Variants in CCDC91 observed in about 807,000 individuals in gnomAD.
The protein encoded by CCDC91 is coiled-coil domain containing 91.
Under a neutral mutation model 63.2 loss-of-function variants are expected in CCDC91, and 48 were observed. The ratio of observed to expected loss-of-function variants is 0.76; its 90% CI spans 0.60 to 0.97. CCDC91 has a LOEUF of 0.97. Ranked by LOEUF, CCDC91 falls within the 50% of genes least tolerant of loss-of-function variation. The probability of loss-of-function intolerance (pLI) is 0.00; values close to 1 mark genes in which losing one functional copy is unlikely to be tolerated. For missense variants in CCDC91, 500 were observed against 494.6 expected (o/e 1.01, Z -0.10); for synonymous variants, 167 against 165.8 (o/e 1.01, Z -0.06).
chr12:28,338,162 ATGGTCTTTTATATAGGG>A (rs1191376505), intron 6 of CCDC91, among the ~76,000 whole-genome samples: 3 of 152,042 alleles, frequency 2.0e-5, no homozygotes, highest in African/African-American at 7.2e-5. Context: ...ATGGTAGGAT[ATGGTCTTTTATATAGGG>A]TGGTAATGGA....
intron 12 of CCDC91, among the ~76,000 whole-genome samples, chr12:28,540,875 G>C (rs1310147974): frequency 6.6e-6 from 1 of 152,032 alleles, no homozygotes; most frequent in African/African-American, 2.4e-5. Flanking sequence ...CATCTCATTA[G>C]GCAGCCTTAT....
intron 11 of CCDC91, among the ~76,000 whole-genome samples, chr12:28,456,138 A>G (rs1950047444): frequency 6.6e-6 from 1 of 152,096 alleles, no homozygotes; most frequent in Admixed American, 6.6e-5. Flanking sequence ...AGAAGGTGTT[A>G]TTTTTATGTA....
At chr12:28,385,267 C>T (rs937139668) in intron 7 of CCDC91, among the ~76,000 whole-genome samples, 5 of 152,024 alleles carry the variant, frequency 3.3e-5, no homozygotes, top group Non-Finnish European at 5.9e-5. Flanking sequence ...TCAAGCTAAA[C>T]TAAGTGTATA....
chr12:28,259,304 C>G, intron 2 of CCDC91, 60 bp from the exon 3 acceptor site: 1 of 1,209,970 alleles, frequency 8.3e-7, no homozygotes, highest in East Asian at 2.3e-5. Context: ...AATGCTTGAT[C>G]ACTTAAATAG....
At chr12:28,244,779 C>A (rs1176876475) in intron 1 of CCDC91, among the ~76,000 whole-genome samples, 1 of 149,090 alleles carries the variant, frequency 6.7e-6, no homozygotes. Flanking sequence ...CAAGAGCAAG[C>A]AATACAAGAG....
chr12:28,250,665 T>C (rs1946061620), intron 1 of CCDC91, among the ~76,000 whole-genome samples: 1 of 152,110 alleles, frequency 6.6e-6, no homozygotes, highest in Admixed American at 6.6e-5. Flanking sequence ...ATGTGGGAAC[T>C]ATTAGCAACT....
intron 11 of CCDC91, among the ~76,000 whole-genome samples, chr12:28,483,354 A>G (rs1951546679): frequency 6.6e-6 from 1 of 152,102 alleles, no homozygotes; most frequent in Admixed American, 6.6e-5. Flanking sequence ...CATTCATTCC[A>G]TTTCATGATA....
chr12:28,402,084 G>A (rs1168192942), intron 8 of CCDC91, among the ~76,000 whole-genome samples: 1 of 151,904 alleles, frequency 6.6e-6, no homozygotes, highest in Non-Finnish European at 1.5e-5. Context: ...CTCAGCATTG[G>A]CATTATTGAC....
rs777074953 is a variant in CCDC91, at chr12:28,549,151, C to T, written c.1304C>T (p.Thr435Met). 20 of 1,607,742 alleles carry T rather than the reference C, an allele frequency of 1.2e-5. No homozygotes were observed. The highest frequency in any genetic ancestry group is 2.2e-5 in the East Asian group (1 of 44,760). Reference protein sequence around the residue: ...AQKQLSALIATEPVDIE With the variant: ...AQKQLSALIAMEPVDIE Reference sequence around the variant, plus strand: ...AAACAGTTAAGTGCTTTAATAGCTACGGAACCAGTTGACATTGAATAAAAA... The same window carrying T: ...AAACAGTTAAGTGCTTTAATAGCTATGGAACCAGTTGACATTGAATAAAAA... The change falls in exon 13 of 13, where the codon ACG becomes ATG. Residue 435 changes from threonine (T) to methionine (M), a missense_variant. Thr to Met is a moderately conservative substitution (Grantham distance 81, BLOSUM62 -1). Coordinates refer to ENST00000536442, the MANE Select transcript of CCDC91 (RefSeq NM_018318.5).
rs1417628098 is a variant in CCDC91 at position 28,522,701 on chromosome 12, G to C, written c.1216-26362G>C. Among the ~76,000 whole-genome samples, 4 of 151,582 alleles carry C rather than the reference G, an allele frequency of 2.6e-5. No homozygotes were observed. The East Asian group carries it at 5.8e-4, about 22-fold the overall frequency. On this transcript the variant is annotated intron_variant, in intron 12 of 12. Transcript: ENST00000536442. ...TTTTAGATCTTTCCTCCTTTCTCTT[G>C]TGGGCATTTAGTGCTATAAATTTCC...
intron 8 of CCDC91, among the ~76,000 whole-genome samples, chr12:28,417,914 T>C: frequency 6.6e-6 from 1 of 152,134 alleles, no homozygotes; most frequent in East Asian, 1.9e-4. Flanking sequence ...CTTCCATTAC[T>C]GAGTGGTCCT....
Position 28,263,048 on chromosome 12 carries a change from T to C in CCDC91, c.109+3606T>C, listed in dbSNP as rs535604279. ...ATTGTCTGTTCCTATATTTTTGTCATTGCTCCTGATTGTATTACTTACCTC... is the reference window on the plus strand; with the variant it reads ...ATTGTCTGTTCCTATATTTTTGTCACTGCTCCTGATTGTATTACTTACCTC... On this transcript the variant is annotated intron_variant, in intron 3 of 12. Coordinates refer to ENST00000536442, the MANE Select transcript of CCDC91 (RefSeq NM_018318.5). Among the ~76,000 whole-genome samples, 21 of 152,074 alleles carry C rather than the reference T, an allele frequency of 1.4e-4. No homozygotes were observed. The East Asian group carries it at 4.1e-3, about 29-fold the overall frequency.
intron 8 of CCDC91, among the ~76,000 whole-genome samples, chr12:28,399,340 A>G (rs1946477914): frequency 1.3e-5 from 2 of 152,170 alleles, no homozygotes; most frequent in Admixed American, 1.3e-4. Context: ...TGAGAACAGC[A>G]TGAGGGTAAC....
chr12:28,452,989 C>T lies in CCDC91; in HGVS notation c.1101+335C>T, dbSNP rs1459705754. 7.2e-5 allele frequency among the ~76,000 whole-genome samples: 11 copies of T among 151,896 alleles called. 1 individual carries two copies. In the South Asian group the frequency reaches 8.3e-4, roughly 11 times the overall value. On this transcript the variant is annotated intron_variant, in intron 11 of 12. Coordinates refer to ENST00000536442, the MANE Select transcript of CCDC91 (RefSeq NM_018318.5). ...CTTTTCTCATACATAGAGACACATA[C>T]GCACACATGCACACAGACTCAATCA... is the stretch of plus-strand genomic sequence containing the variant.
chr12:28,467,711 T>C (rs1209692371), intron 11 of CCDC91, among the ~76,000 whole-genome samples: 1 of 152,054 alleles, frequency 6.6e-6, no homozygotes, highest in Non-Finnish European at 1.5e-5. Flanking sequence ...ATTTAAAAAG[T>C]ACAAAATAAG....
Position 28,479,107 on chromosome 12 carries a change from T to C in CCDC91, c.1102-4945T>C, listed in dbSNP as rs1341605967. The stretch of plus-strand genomic sequence containing the variant: ...ATAGCATTTGACCCAGCCATCCCAT[T>C]ACTGGGTATATACCTAAAGGATTGT... On this transcript the variant is annotated intron_variant, in intron 11 of 12. Transcript: ENST00000536442. Among the ~76,000 whole-genome samples the C allele has an allele frequency of 3.3e-5, 5 of 152,142 alleles. No homozygotes were observed. The East Asian group carries it at 9.6e-4, about 29-fold the overall frequency.
chr12:28,532,322 G>T (rs910883486), intron 12 of CCDC91, among the ~76,000 whole-genome samples: 8 of 152,062 alleles, frequency 5.3e-5, no homozygotes, highest in African/African-American at 1.9e-4. Context: ...ATTTACAATG[G>T]AGTAGTCATT....
intron 1 of CCDC91, among the ~76,000 whole-genome samples, chr12:28,209,403 G>A (rs112816141): frequency 0.015 from 2,333 of 152,276 alleles, 38 homozygotes; most frequent in South Asian, 0.089. Context: ...TTCACACACA[G>A]AATTTCTTTA....
intron 6 of CCDC91, among the ~76,000 whole-genome samples, chr12:28,309,443 T>C (rs1323268957): frequency 2.0e-5 from 3 of 152,084 alleles, no homozygotes; most frequent in African/African-American, 7.2e-5. Flanking sequence ...CTAGTGCTTT[T>C]AGTCCAACAC....
Sources: allele counts gnomAD v4.1 joint callset (sites outside exome capture counted in the v4.1 genomes callset), GRCh38; gene constraint gnomAD v4.1.1; transcripts MANE v1.5; gene names NCBI Gene and HGNC (gene_info 2026-07-23, HGNC 2026-07-21).